The following CGNL1 variants were observed in gnomAD, a reference collection of about 807,000 sequenced individuals.
The protein encoded by CGNL1 is cingulin like 1.
In CGNL1, 132 loss-of-function variants were observed where a neutral mutation model predicts 141.2. The ratio of observed to expected loss-of-function variants is 0.93; its 90% CI spans 0.81 to 1.08. CGNL1 has a LOEUF of 1.08. Ranked by LOEUF, CGNL1 falls within the 50% of genes least tolerant of loss-of-function variation. The pLI is 0.00. For synonymous variants in CGNL1, 690 were observed against 622.1 expected (o/e 1.11, Z -1.63); for missense variants, 1,870 against 1,588.6 (o/e 1.18, Z -3.01).
rs1269693494 is a variant in CGNL1, at chr15:57,491,924, A to G, written c.2404-24856A>G. 4.6e-5 allele frequency among the ~76,000 whole-genome samples: 7 copies of G among 152,202 alleles called. No homozygotes were observed. In the East Asian group the frequency reaches 1.3e-3, roughly 29 times the overall value. On this transcript the variant is annotated intron_variant, in intron 8 of 18. Transcript: ENST00000281282. ...TGTAACTCCTGAAACTGTTACGGTCATCAAAACCAGGGAAAGTCTGAGGAG... is the reference window on the plus strand; with the variant it reads ...TGTAACTCCTGAAACTGTTACGGTCGTCAAAACCAGGGAAAGTCTGAGGAG...
intron 10 of CGNL1, among the ~76,000 whole-genome samples, chr15:57,523,108 G>C (rs1266645329): frequency 6.6e-6 from 1 of 152,156 alleles, no homozygotes; most frequent in Non-Finnish European, 1.5e-5. Flanking sequence ...TGTGTCACAG[G>C]ATATAAATTG....
At chr15:57,498,928 A>T (rs1333279998) in intron 8 of CGNL1, among the ~76,000 whole-genome samples, 2 of 152,010 alleles carry the variant, frequency 1.3e-5, no homozygotes, top group Non-Finnish European at 2.9e-5. Context: ...TGATACAGAC[A>T]TTGGGGACTG....
chr15:57,387,722 CCT>C (rs1390436605), intron 1 of CGNL1, among the ~76,000 whole-genome samples: 18 of 152,362 alleles, frequency 1.2e-4, no homozygotes, highest in African/African-American at 3.4e-4. Context: ...AAAACCTCCC[CCT>C]GTTTTAAAGC....
chr15:57,424,717 T>G (rs1224900681), intron 1 of CGNL1, among the ~76,000 whole-genome samples: 1 of 152,042 alleles, frequency 6.6e-6, no homozygotes, highest in African/African-American at 2.4e-5. Context: ...GACCCAACAG[T>G]TTTATGGCAA....
In CGNL1 at chr15:57,439,847, G is replaced by A. The variant is rs16977501; in HGVS notation, c.1602+246G>A. ...TGTGATCTCTCTGTAAAGTAACTTG[G>A]CAGACGCTACAGAGAGGCTCAATTG... On this transcript the variant is annotated intron_variant, in intron 2 of 18. Transcript: ENST00000281282. 4.2e-3 allele frequency among the ~76,000 whole-genome samples: 640 copies of A among 152,244 alleles called. 5 individuals carry two copies. The highest frequency in any genetic ancestry group is 0.015 in the African/African-American group (605 of 41,540).
intron 10 of CGNL1, among the ~76,000 whole-genome samples, chr15:57,519,792 C>T (rs1233279985): frequency 6.6e-6 from 1 of 152,174 alleles, no homozygotes; most frequent in Non-Finnish European, 1.5e-5. Context: ...TATTTGTACT[C>T]TATAGGGATA....
intron 18 of CGNL1, among the ~76,000 whole-genome samples, 165 bp downstream of exon 18, chr15:57,546,404 C>T (rs1438469901): frequency 1.3e-5 from 2 of 152,148 alleles, no homozygotes; most frequent in African/African-American, 4.8e-5. Flanking sequence ...ACTTTAGTCA[C>T]CTTACATGGG....
chr15:57,382,864 A>G (rs1427950297), intron 1 of CGNL1, among the ~76,000 whole-genome samples: 1 of 152,128 alleles, frequency 6.6e-6, no homozygotes, highest in African/African-American at 2.4e-5. Context: ...GGACTGTTAA[A>G]CTTTCAACAA....
intron 1 of CGNL1, among the ~76,000 whole-genome samples, chr15:57,436,872 C>G (rs1235817283): frequency 6.6e-6 from 1 of 152,014 alleles, no homozygotes; most frequent in Non-Finnish European, 1.5e-5. Flanking sequence ...AATGATTTAT[C>G]CTACCCAAAT....
intron 4 of CGNL1, among the ~76,000 whole-genome samples, chr15:57,445,447 C>CG (rs1399677752): frequency 6.6e-6 from 1 of 152,086 alleles, no homozygotes; most frequent in Non-Finnish European, 1.5e-5. Context: ...TTTATCTTTG[C>CG]GGTGTCACTT....
chr15:57,453,779 A>C lies in CGNL1; in HGVS notation c.2151A>C (p.Ala717=), dbSNP rs376406601. The C allele has an allele frequency of 1.9e-6, 3 of 1,613,826 alleles. No homozygotes were observed. Among genetic ancestry groups the C allele is most frequent in the Non-Finnish European group, 2.5e-6 (3 of 1,179,938 alleles). The change falls in exon 7 of 19, where the codon GCA becomes GCC. Residue 717 remains alanine (A), a synonymous_variant. Transcript: ENST00000281282. ...LSEMHDELDS[A]KRSEDREKGA... Reference sequence around the variant, plus strand: ...AAATGCACGATGAACTGGACAGTGCAAAGCGATCGGAGGACAGGGAGAAGG... The same window carrying C: ...AAATGCACGATGAACTGGACAGTGCCAAGCGATCGGAGGACAGGGAGAAGG...
chr15:57,386,150 A>G (rs1343196605), intron 1 of CGNL1, among the ~76,000 whole-genome samples: 4 of 152,222 alleles, frequency 2.6e-5, no homozygotes, highest in African/African-American at 7.2e-5. Flanking sequence ...ACTTGCTTGC[A>G]TCGTTTACAT....
intron 8 of CGNL1, among the ~76,000 whole-genome samples, chr15:57,502,266 A>G (rs1595771735): frequency 6.6e-6 from 1 of 152,268 alleles, no homozygotes; most frequent in South Asian, 2.1e-4. Context: ...GGTCTCAGTG[A>G]TATTGTAGGA....
chr15:57,396,612 C>T (rs774201370), intron 1 of CGNL1, among the ~76,000 whole-genome samples: 8 of 152,080 alleles, frequency 5.3e-5, no homozygotes, highest in East Asian at 1.9e-4. Context: ...TATACGTATA[C>T]GGCTCTTTGA....
intron 10 of CGNL1, among the ~76,000 whole-genome samples, chr15:57,521,800 G>T (rs2031275762): frequency 6.6e-6 from 1 of 152,046 alleles, no homozygotes. Flanking sequence ...CTTGTCTGCT[G>T]CCTGGAGCCC....
At chr15:57,446,132 AAC>A (rs1422953519) in intron 4 of CGNL1, among the ~76,000 whole-genome samples, 1 of 152,212 alleles carries the variant, frequency 6.6e-6, no homozygotes, top group Non-Finnish European at 1.5e-5. Context: ...GGGTCTTGGG[AAC>A]ACAGAGGCAG....
chr15:57,487,163 A>G (rs2152371877), intron 8 of CGNL1, among the ~76,000 whole-genome samples: 1 of 152,338 alleles, frequency 6.6e-6, no homozygotes, highest in East Asian at 1.9e-4. Context: ...GTATGTGTGC[A>G]TTTTGATGGA....
chr15:57,512,245 A>G (rs565014110), intron 8 of CGNL1, among the ~76,000 whole-genome samples: 1 of 152,342 alleles, frequency 6.6e-6, no homozygotes, highest in East Asian at 1.9e-4. Context: ...AAGAACTTAC[A>G]TGTAGTACTT....
At chr15:57,459,581 A>T (rs1425984558) in intron 7 of CGNL1, among the ~76,000 whole-genome samples, 1 of 152,160 alleles carries the variant, frequency 6.6e-6, no homozygotes, top group Non-Finnish European at 1.5e-5. Flanking sequence ...TGCTGCGTGG[A>T]TTGCCATAGA....
Sources: allele counts gnomAD v4.1 joint callset (sites outside exome capture counted in the v4.1 genomes callset), GRCh38; gene constraint gnomAD v4.1.1; transcripts MANE v1.5; gene names NCBI Gene and HGNC (gene_info 2026-07-23, HGNC 2026-07-21).